GRM8: variants seen among roughly 807,000 people sequenced by gnomAD.
The protein encoded by GRM8 is glutamate metabotropic receptor 8, also known as metabotropic glutamate receptor 8.
A neutral mutation model predicts 87.2 loss-of-function variants in GRM8; 47 were observed. The observed-to-expected ratio is 0.54, with a 90% CI of 0.43 to 0.69. The LOEUF is 0.69. Ranked by LOEUF, GRM8 falls within the 30% of genes least tolerant of loss-of-function variation. The pLI, the probability that GRM8 is intolerant of heterozygous loss-of-function variation, is 0.00. For missense variants in GRM8, 1,019 were observed against 1,139.2 expected (o/e 0.89, Z 1.52); for synonymous variants, 396 against 404.5 (o/e 0.98, Z 0.25).
At chr7:127,234,692 G>A (rs182720183) in intron 2 of GRM8, among the ~76,000 whole-genome samples, 2 of 152,264 alleles carry the variant, frequency 1.3e-5, no homozygotes, top group African/African-American at 2.4e-5. Context: ...GGGCCTCCCC[G>A]GACCCACTGA....
chr7:126,988,120 A>G (rs1212227750), intron 3 of GRM8, among the ~76,000 whole-genome samples: 1 of 152,180 alleles, frequency 6.6e-6, no homozygotes, highest in Non-Finnish European at 1.5e-5. Context: ...TTTCAAACTA[A>G]AAGTCAGGAA....
chr7:126,470,878 C>A (rs369606227), intron 9 of GRM8, among the ~76,000 whole-genome samples: 10,327 of 152,118 alleles, frequency 0.068, 465 homozygotes, highest in African/African-American at 0.13. Flanking sequence ...TTAATGATTG[C>A]CATTCTAACT....
chr7:127,081,301 C>T (rs1425493244), intron 3 of GRM8, among the ~76,000 whole-genome samples: 1 of 152,158 alleles, frequency 6.6e-6, no homozygotes, highest in African/African-American at 2.4e-5. Context: ...CATCCCTGTG[C>T]AGTAGAGCAG....
At chr7:126,972,853 A>G (rs975929070) in intron 3 of GRM8, among the ~76,000 whole-genome samples, 2 of 152,226 alleles carry the variant, frequency 1.3e-5, no homozygotes, top group African/African-American at 4.8e-5. Flanking sequence ...TGCAAAAACC[A>G]TTAGAGCCTA....
At chr7:126,449,346 G>A (rs566917335) in intron 9 of GRM8, among the ~76,000 whole-genome samples, 1 of 151,866 alleles carries the variant, frequency 6.6e-6, no homozygotes, top group East Asian at 2.0e-4. Flanking sequence ...ATGTCACAGG[G>A]TGGGGTTGGG....
intron 2 of GRM8, among the ~76,000 whole-genome samples, chr7:127,166,860 A>G (rs563223208): frequency 3.0e-4 from 45 of 152,254 alleles, no homozygotes; most frequent in African/African-American, 1.0e-3. Context: ...ACTTGTTTAA[A>G]CTAGTATTGG....
intron 7 of GRM8, among the ~76,000 whole-genome samples, chr7:126,644,926 T>C (rs903871567): frequency 6.6e-6 from 1 of 152,254 alleles, no homozygotes; most frequent in African/African-American, 2.4e-5. Context: ...CCCAGTGTTA[T>C]TGAAACTGCC....
chr7:126,485,891 A>G (rs536940899), intron 9 of GRM8, among the ~76,000 whole-genome samples: 1 of 152,170 alleles, frequency 6.6e-6, no homozygotes, highest in South Asian at 2.1e-4. Flanking sequence ...ACTAGAGATG[A>G]TAACCAACAG....
At chr7:126,791,707 T>C (rs1040385090) in intron 6 of GRM8, among the ~76,000 whole-genome samples, 1 of 152,230 alleles carries the variant, frequency 6.6e-6, no homozygotes, top group African/African-American at 2.4e-5. Flanking sequence ...GAAATAGCTC[T>C]TGGTCACAGC....
intron 2 of GRM8, among the ~76,000 whole-genome samples, chr7:127,217,008 A>T (rs866437295): frequency 6.6e-6 from 1 of 152,334 alleles, no homozygotes; most frequent in South Asian, 2.1e-4. Flanking sequence ...AGTATCTTAA[A>T]TTATCAAGTT....
At chr7:126,841,241 T>C (rs111455849) in intron 6 of GRM8, among the ~76,000 whole-genome samples, 73 of 152,344 alleles carry the variant, frequency 4.8e-4, no homozygotes, top group African/African-American at 1.5e-3. Flanking sequence ...TGAGAAATTA[T>C]CTGTGCCATA....
At chr7:126,603,641 G>A (rs1798047548) in intron 8 of GRM8, among the ~76,000 whole-genome samples, 1 of 152,028 alleles carries the variant, frequency 6.6e-6, no homozygotes, top group Admixed American at 6.6e-5. Context: ...TAGAGAAAGG[G>A]CCCAGGGAAT....
At chr7:126,625,949 T>C (rs1800631885) in intron 7 of GRM8, among the ~76,000 whole-genome samples, 1 of 152,012 alleles carries the variant, frequency 6.6e-6, no homozygotes, top group Non-Finnish European at 1.5e-5. Flanking sequence ...AATCCTCTTT[T>C]CATCTTATGT....
chr7:126,564,090 G>A lies in GRM8; in HGVS notation c.1495-30203C>T, dbSNP rs1793982560. Among the ~76,000 whole-genome samples, 4 of 152,338 alleles carry A rather than the reference G, an allele frequency of 2.6e-5. No homozygotes were observed. In the South Asian group the frequency reaches 8.3e-4, roughly 32 times the overall value. On this transcript the variant is annotated intron_variant, in intron 8 of 10. Coordinates refer to ENST00000339582, the MANE Select transcript of GRM8 (RefSeq NM_000845.3). ...GGAAGAGAAATTAGCAGTTTGGGTG[G>A]TCCCACCTCCATGTGAAAAAGAAAT...
chr7:127,065,132 G>A (rs1820981823), intron 3 of GRM8, among the ~76,000 whole-genome samples: 1 of 152,158 alleles, frequency 6.6e-6, no homozygotes, highest in African/African-American at 2.4e-5. Context: ...GTCCATCAAT[G>A]ACAGATTGAA....
At chr7:126,867,648 G>A (rs1312636461) in intron 6 of GRM8, among the ~76,000 whole-genome samples, 5 of 152,042 alleles carry the variant, frequency 3.3e-5, no homozygotes, top group Admixed American at 2.6e-4. Context: ...ACGGTCAGTT[G>A]GAACAAAAAA....
intron 7 of GRM8, among the ~76,000 whole-genome samples, chr7:126,627,252 T>C (rs1177495592): frequency 1.3e-5 from 2 of 152,248 alleles, no homozygotes; most frequent in South Asian, 2.1e-4. Context: ...TTTGGCACAA[T>C]GTCTGGAGAT....
intron 3 of GRM8, among the ~76,000 whole-genome samples, chr7:127,091,203 C>G (rs1824029853): frequency 6.6e-6 from 1 of 152,072 alleles, no homozygotes; most frequent in African/African-American, 2.4e-5. Context: ...AAGCACTAAA[C>G]ACTGGAATGT....
intron 9 of GRM8, among the ~76,000 whole-genome samples, chr7:126,513,368 G>A (rs955853710): frequency 1.3e-5 from 2 of 151,886 alleles, no homozygotes; most frequent in African/African-American, 4.8e-5. Context: ...AACACTACAC[G>A]GATATTTCAC....
Sources: gnomAD v4.1 joint callset for allele counts (sites outside exome capture counted in the v4.1 genomes callset) on GRCh38, gnomAD v4.1.1 for gene constraint, MANE v1.5 for transcripts, NCBI Gene and HGNC (gene_info 2026-07-23, HGNC 2026-07-21) for gene names.